The following IL1RAPL1 variants were observed in gnomAD, a reference collection of about 807,000 sequenced individuals.
IL1RAPL1 encodes the protein interleukin 1 receptor accessory protein like 1.
In IL1RAPL1, 3 loss-of-function variants were observed where a neutral mutation model predicts 48.4. The observed-to-expected ratio is 0.06, with a 90% CI of 0.03 to 0.16. The LOEUF is 0.16. Among genes scored for constraint, IL1RAPL1 ranks in the 10% least tolerant of loss-of-function variants. IL1RAPL1 has a pLI of 1.00. For synonymous variants in IL1RAPL1, 185 were observed against 187.7 expected, an observed-to-expected ratio of 0.99 and a Z score of 0.12; for missense variants, 349 against 530.6, an observed-to-expected ratio of 0.66 and a Z score of 3.36.
At chrX:29,434,227 C>G (rs1412910951) in intron 5 of IL1RAPL1, among the ~76,000 whole-genome samples, 2 of 110,284 alleles carry the variant, frequency 1.8e-5, no homozygotes, top group Non-Finnish European at 3.8e-5. Context: ...CAGTTCCCTT[C>G]TCAATCACTT....
Position 29,278,542 on chromosome X carries a change from G to A in IL1RAPL1, c.83-4396G>A, listed in dbSNP as rs764208386. 5.3e-5 allele frequency among the ~76,000 whole-genome samples: 6 copies of A among 112,160 alleles called. No individual in the cohort carries two copies. The South Asian group carries it at 1.9e-3, about 35-fold the overall frequency. ...CCATCAGGGAAGGAGAGTACCAATA[G>A]CAAATTTTCTGAGAGAGACTTACAG... is the stretch of plus-strand genomic sequence containing the variant. On this transcript the variant is annotated intron_variant, in intron 2 of 10. Coordinates refer to ENST00000378993, the MANE Select transcript of IL1RAPL1 (RefSeq NM_014271.4).
At chrX:28,810,637 G>C (rs1936783626) in intron 2 of IL1RAPL1, among the ~76,000 whole-genome samples, 1 of 110,652 alleles carries the variant, frequency 9.0e-6, no homozygotes, top group African/African-American at 3.3e-5. Context: ...AATGTAAAAT[G>C]CATATGAATT....
intron 5 of IL1RAPL1, among the ~76,000 whole-genome samples, chrX:29,508,873 C>T (rs1335336307): frequency 8.9e-6 from 1 of 111,985 alleles, no homozygotes; most frequent in South Asian, 3.7e-4. Flanking sequence ...TTAGTCTTAC[C>T]ACTTTTTTAT....
At chrX:28,981,069 G>A (rs983796139) in intron 2 of IL1RAPL1, among the ~76,000 whole-genome samples, 1 of 75,996 alleles carries the variant, frequency 1.3e-5, no homozygotes, top group African/African-American at 5.7e-5. Context: ...CCAGCCTGAG[G>A]GACAGAGTGA....
At chrX:28,986,659 T>C (rs1467810356) in intron 2 of IL1RAPL1, among the ~76,000 whole-genome samples, 1 of 112,528 alleles carries the variant, frequency 8.9e-6, no homozygotes, top group Non-Finnish European at 1.9e-5. Flanking sequence ...ATGCTCATTT[T>C]TCTTGCTGTT....
At chrX:29,681,878 C>CT (rs1197095115) in intron 6 of IL1RAPL1, among the ~76,000 whole-genome samples, 1 of 103,381 alleles carries the variant, frequency 9.7e-6, no homozygotes, top group Non-Finnish European at 2.0e-5. Context: ...ATGTCAGACT[C>CT]TAAGTTTGGC....
intron 5 of IL1RAPL1, among the ~76,000 whole-genome samples, chrX:29,658,193 T>C (rs1485943367): frequency 6.3e-5 from 7 of 111,496 alleles, no homozygotes; most frequent in Non-Finnish European, 1.3e-4. Flanking sequence ...TTTTCTCCAC[T>C]CATTTGGTCA....
chrX:29,279,309 G>A (rs773128600), intron 2 of IL1RAPL1, among the ~76,000 whole-genome samples: 89 of 110,871 alleles, frequency 8.0e-4, no homozygotes, highest in African/African-American at 2.5e-3. Flanking sequence ...GGTGGCGTGC[G>A]CCTGTAGTCC....
intron 3 of IL1RAPL1, among the ~76,000 whole-genome samples, chrX:29,328,972 T>C (rs764403256): frequency 1.8e-5 from 2 of 111,720 alleles, no homozygotes; most frequent in Non-Finnish European, 3.8e-5. Context: ...AATTATGATA[T>C]AGAAAAGCCA....
chrX:29,310,272 G>A (rs192088503), intron 3 of IL1RAPL1, among the ~76,000 whole-genome samples: 236 of 109,344 alleles, frequency 2.2e-3, no homozygotes, highest in African/African-American at 7.7e-3. Flanking sequence ...CACTATATCC[G>A]TATGAAGTTC....
At chrX:28,897,743 A>G (rs997621690) in intron 2 of IL1RAPL1, among the ~76,000 whole-genome samples, 2 of 112,217 alleles carry the variant, frequency 1.8e-5, no homozygotes, top group Non-Finnish European at 3.8e-5. Flanking sequence ...GAGACCACCA[A>G]ACAGGTTTTG....
chrX:29,088,691 AAAAAG>A (rs1569234378), intron 2 of IL1RAPL1, among the ~76,000 whole-genome samples: 1 of 108,526 alleles, frequency 9.2e-6, no homozygotes, highest in African/African-American at 3.3e-5. Flanking sequence ...AAAAAAAAAA[AAAAAG>A]AAAAGAAAAA....
chrX:29,898,023 A>AAGAC (rs1932420404), intron 6 of IL1RAPL1, among the ~76,000 whole-genome samples: 1 of 111,858 alleles, frequency 8.9e-6, no homozygotes, highest in Admixed American at 9.5e-5. Flanking sequence ...TTGGGAAATA[A>AAGAC]AGACTCATAT....
At chrX:29,798,706 G>T (rs764299949) in intron 6 of IL1RAPL1, among the ~76,000 whole-genome samples, 15 of 112,130 alleles carry the variant, frequency 1.3e-4, no homozygotes, top group African/African-American at 4.5e-4. Context: ...ATAATGCTCT[G>T]CACAAAAGGA....
intron 2 of IL1RAPL1, among the ~76,000 whole-genome samples, chrX:28,959,203 TTAAAA>T (rs1324075491): frequency 1.8e-5 from 2 of 111,586 alleles, no homozygotes; most frequent in African/African-American, 6.5e-5. Flanking sequence ...TATTTCTTAT[TTAAAA>T]TAAAATGCAG....
At chrX:28,744,450 A>G (rs1601884150) in intron 1 of IL1RAPL1, among the ~76,000 whole-genome samples, 2 of 111,763 alleles carry the variant, frequency 1.8e-5, no homozygotes, top group Middle Eastern at 4.2e-3. Context: ...TATAAGCAGT[A>G]TGAGAACCCA....
At chrX:29,384,337 A>C in intron 3 of IL1RAPL1, among the ~76,000 whole-genome samples, 1 of 111,941 alleles carries the variant, frequency 8.9e-6, no homozygotes, top group East Asian at 2.8e-4. Context: ...CCCTCTTGTA[A>C]AAATTCATCA....
chrX:29,413,652 G>A (rs1373812906), intron 5 of IL1RAPL1, among the ~76,000 whole-genome samples: 1 of 109,277 alleles, frequency 9.2e-6, no homozygotes. Flanking sequence ...ATGGTTTCCA[G>A]CTTCATCCAT....
chrX:29,778,038 G>A (rs922917937), intron 6 of IL1RAPL1, among the ~76,000 whole-genome samples: 1 of 108,934 alleles, frequency 9.2e-6, no homozygotes, highest in Non-Finnish European at 1.9e-5. Flanking sequence ...TTATACTATT[G>A]CATTTTATGA....
Sources: allele counts gnomAD v4.1 joint callset (sites outside exome capture counted in the v4.1 genomes callset), GRCh38; gene constraint gnomAD v4.1.1; transcripts MANE v1.5; gene names NCBI Gene and HGNC (gene_info 2026-07-23, HGNC 2026-07-21).